Variants in RUBCNL observed in about 807,000 individuals in gnomAD.
The protein encoded by RUBCNL is protein associated with UVRAG as autophagy enhancer.
Under a neutral mutation model 69.5 loss-of-function variants are expected in RUBCNL, and 62 were observed. The ratio of observed to expected loss-of-function variants is 0.89; its 90% CI spans 0.73 to 1.10. The LOEUF is 1.10. RUBCNL is among the 50% of genes least tolerant of loss of function. The probability of loss-of-function intolerance (pLI) is 0.00; values close to 1 mark genes in which losing one functional copy is unlikely to be tolerated. For synonymous variants in RUBCNL, 291 were observed against 303.6 expected (o/e 0.96, Z 0.43); for missense variants, 768 against 798.1 (o/e 0.96, Z 0.45).
intron 5 of RUBCNL, among the ~76,000 whole-genome samples, chr13:46,365,244 T>C (rs778404592): frequency 1.2e-4 from 17 of 141,128 alleles, no homozygotes; most frequent in Non-Finnish European, 2.3e-4. Flanking sequence ...TAGAGGTTGC[T>C]GTGAGCCGAG....
Position 46,334,793 on chromosome 13 carries a change from G to A in RUBCNL, c.*8592C>T, listed in dbSNP as rs1216719. Among the ~76,000 whole-genome samples, 52,296 of 152,056 alleles carry A rather than the reference G, an allele frequency of 0.34. 9,330 individuals are homozygous for A. Among genetic ancestry groups the A allele is most frequent in the East Asian group, 0.59 (3,059 of 5,160 alleles). On this transcript the variant is annotated 3_prime_UTR_variant, in exon 15 of 15. Coordinates refer to ENST00000429979, the MANE Select transcript of RUBCNL (RefSeq NM_025113.5). Reference sequence around the variant, plus strand: ...GTACGACAACCTTGTGAGACAGATTGTCAGCATTTTACAAATAGGAAACCG... The same window carrying A: ...GTACGACAACCTTGTGAGACAGATTATCAGCATTTTACAAATAGGAAACCG...
In RUBCNL at chr13:46,343,210, A is replaced by T; in HGVS notation, c.*175T>A. The T allele has an allele frequency of 1.9e-6, 2 of 1,076,142 alleles. No homozygotes were observed. Among genetic ancestry groups the T allele is most frequent in the Non-Finnish European group, 2.6e-6 (2 of 760,952 alleles). 66.7% of individuals were successfully genotyped at this position (1,076,142 alleles called of 1,614,324 possible). A position where few individuals can be genotyped will look rare whatever the true frequency, so the allele number is the denominator to read the frequency against. ...AACCACAACTATCAGCCCTGTGCTT[A>T]AACACAGAATCTGCATTCTTTTGAA... On this transcript the variant is annotated 3_prime_UTR_variant, in exon 15 of 15. Transcript: ENST00000429979.
chr13:46,367,531 C>A (rs146839106), intron 5 of RUBCNL, among the ~76,000 whole-genome samples: 1 of 152,074 alleles, frequency 6.6e-6, no homozygotes, highest in African/African-American at 2.4e-5. Flanking sequence ...GACAACTGAA[C>A]GGAGCATGAT....
rs111986411 is a variant in RUBCNL, at chr13:46,371,778, T to C, written c.535+163A>G. Among the ~76,000 whole-genome samples the C allele has an allele frequency of 1.8e-3, 278 of 152,366 alleles. 2 individuals carry two copies. Among genetic ancestry groups the C allele is most frequent in the African/African-American group, 6.2e-3 (259 of 41,588 alleles). On this transcript the variant is annotated intron_variant, in intron 3 of 14. Coordinates refer to ENST00000429979, the MANE Select transcript of RUBCNL (RefSeq NM_025113.5). ...CTCTGCAGTCTAAGGAGAAAGCCAA[T>C]ATTTGATTTCACCTGTTGTGACCGC...
chr13:46,355,509 G>A (rs969973861), intron 10 of RUBCNL, among the ~76,000 whole-genome samples: 3 of 152,030 alleles, frequency 2.0e-5, no homozygotes, highest in Non-Finnish European at 4.4e-5. Context: ...TGTTGGCCAG[G>A]CTGGTCTCAA....
chr13:46,346,792 A>T (rs1465610766), intron 12 of RUBCNL, among the ~76,000 whole-genome samples: 3 of 152,212 alleles, frequency 2.0e-5, no homozygotes, highest in Non-Finnish European at 2.9e-5. Context: ...CCATTTATTT[A>T]AAAACTCTAT....
chr13:46,364,251 G>T (rs1312702707), intron 5 of RUBCNL, among the ~76,000 whole-genome samples: 1 of 152,076 alleles, frequency 6.6e-6, no homozygotes, highest in Non-Finnish European at 1.5e-5. Context: ...AAAAAAATTA[G>T]CCAGGTGTGG....
intron 1 of RUBCNL, among the ~76,000 whole-genome samples, chr13:46,382,700 AT>A (rs1008106966): frequency 2.0e-5 from 3 of 151,770 alleles, no homozygotes; most frequent in South Asian, 2.1e-4. Context: ...TGCCCGGCTA[AT>A]TTTTTTTGTA....
At position 46,377,914 on chromosome 13, in the gene RUBCNL, G is replaced by A. The variant is rs1217002593; in HGVS notation, c.-147C>T. On this transcript the variant is annotated 5_prime_UTR_variant, in exon 2 of 15. Coordinates refer to ENST00000429979, the MANE Select transcript of RUBCNL (RefSeq NM_025113.5). ...CCAGGAGTATGAATTTCTCGAAGAG[G>A]CAGATTGACACAGAGGAGAAAGTAA... 1.2e-6 allele frequency: 2 copies of A among 1,609,242 alleles called. No individual in the cohort carries two copies. The highest frequency in any genetic ancestry group is 2.2e-5 in the East Asian group (1 of 44,842).
At chr13:46,370,917 GA>G (rs34771125) in intron 3 of RUBCNL, among the ~76,000 whole-genome samples, 361 of 115,992 alleles carry the variant, frequency 3.1e-3, no homozygotes, top group East Asian at 7.3e-3. Context: ...AAAAAAATAG[GA>G]AAAAAAAAAA....
chr13:46,343,295 C>A lies in RUBCNL; in HGVS notation c.*90G>T, dbSNP rs2138661773. On this transcript the variant is annotated 3_prime_UTR_variant, in exon 15 of 15. Coordinates refer to ENST00000429979, the MANE Select transcript of RUBCNL (RefSeq NM_025113.5). ...ATCTTTTTCCTTAATATACAATACC[C>A]AATATCTAAAACAATGTCACCAATA... 2 of 1,544,650 alleles carry A rather than the reference C, an allele frequency of 1.3e-6. No homozygotes were observed. The highest frequency in any genetic ancestry group is 4.9e-5 in the East Asian group (2 of 41,134).
At chr13:46,345,298 C>T in intron 13 of RUBCNL, 149 bp downstream of exon 13, 2 of 926,498 alleles carry the variant, frequency 2.2e-6, no homozygotes, top group Non-Finnish European at 3.2e-6. Flanking sequence ...TCAGCTGTTA[C>T]TTCACAGCTC....
chr13:46,351,805 AG>A (rs1329068097), intron 10 of RUBCNL, among the ~76,000 whole-genome samples: 3 of 151,442 alleles, frequency 2.0e-5, no homozygotes, highest in African/African-American at 7.3e-5. Flanking sequence ...GGTAGGAGAA[AG>A]AAGGAATTTT....
intron 3 of RUBCNL, among the ~76,000 whole-genome samples, chr13:46,370,231 C>A (rs902655753): frequency 2.0e-5 from 3 of 152,120 alleles, no homozygotes; most frequent in Non-Finnish European, 2.9e-5. Context: ...TTTATCAGGA[C>A]ACTAAGGAGA....
chr13:46,361,367 T>C (rs1425744066), intron 8 of RUBCNL, 74 bp downstream of exon 8: 31 of 1,525,284 alleles, frequency 2.0e-5, no homozygotes, highest in African/African-American at 2.7e-5. Flanking sequence ...AAGACAAATG[T>C]TTAAAGTGAA....
intron 1 of RUBCNL, among the ~76,000 whole-genome samples, chr13:46,381,414 T>A (rs545653031): frequency 6.6e-6 from 1 of 152,062 alleles, no homozygotes; most frequent in Non-Finnish European, 1.5e-5. Context: ...GGCAAATCCA[T>A]TGAAATAGAA....
At position 46,359,541 on chromosome 13, in the gene RUBCNL, C is replaced by T. The variant is rs148458029; in HGVS notation, c.1210G>A (p.Glu404Lys). The change falls in exon 9 of 15, where the codon GAA becomes AAA. Residue 404 changes from glutamate to lysine, a missense_variant. Glu to Lys is a moderately conservative substitution (Grantham distance 56). Transcript: ENST00000429979. ...TGAAATCTAGGAGGAGCCCAGTCTT[C>T]AGTCCCTCTGATCCTAGACTTAAAT... ...IKFKSRIRGT[E>K]DWAPPRFQII... is the part of the protein sequence containing the mutation. 1.5e-4 allele frequency: 233 copies of T among 1,595,502 alleles called. 1 individual carries two copies. The African/African-American group carries it at 2.7e-3, about 18-fold the overall frequency.
chr13:46,343,450 G>A lies in RUBCNL; in HGVS notation c.1924C>T (p.Pro642Ser). The A allele has an allele frequency of 1.9e-6, 3 of 1,613,940 alleles. No individual in the cohort carries two copies. The highest frequency in any genetic ancestry group is 2.2e-5 in the South Asian group (2 of 91,068). ...CTCGCTGTGATCCTCGCACACCGGGGGCACTCGGAGGACTGGAAGCACTGT... is the reference window on the plus strand; with the variant it reads ...CTCGCTGTGATCCTCGCACACCGGGAGCACTCGGAGGACTGGAAGCACTGT... ...HKQCFQSSECPRCARITARRK... is the reference protein window; with the variant it reads ...HKQCFQSSECSRCARITARRK... The change falls in exon 15 of 15, where the codon CCC (proline) becomes TCC (serine). Residue 642 changes from proline (P) to serine (S), a missense_variant. Physicochemically the swap from Pro to Ser is moderately conservative, Grantham distance 74 (BLOSUM62 -1). Coordinates refer to ENST00000429979, the MANE Select transcript of RUBCNL (RefSeq NM_025113.5).
intron 10 of RUBCNL, among the ~76,000 whole-genome samples, chr13:46,352,064 G>C (rs2048381569): frequency 6.6e-6 from 1 of 152,158 alleles, no homozygotes; most frequent in African/African-American, 2.4e-5. Flanking sequence ...CTGACCTCAA[G>C]TGATCCACTC....
Sources: gnomAD v4.1 joint callset for allele counts (sites outside exome capture counted in the v4.1 genomes callset) on GRCh38, gnomAD v4.1.1 for gene constraint, MANE v1.5 for transcripts, NCBI Gene and HGNC (gene_info 2026-07-23, HGNC 2026-07-21) for gene names.